RARB: variants seen among roughly 807,000 people sequenced by gnomAD.
The protein encoded by RARB is HBV-activated protein.
Under a neutral mutation model 51.9 loss-of-function variants are expected in RARB, and 17 were observed. The ratio of observed to expected loss-of-function variants is 0.33; its 90% CI spans 0.22 to 0.49. The LOEUF (loss-of-function observed/expected upper bound fraction) is 0.49, where lower values mean the gene tolerates loss of function less well. Ranked by LOEUF, RARB falls within the 20% of genes least tolerant of loss-of-function variation. The pLI is 0.99. For synonymous variants in RARB, 215 were observed against 195.4 expected, an observed-to-expected ratio of 1.10 and a Z score of -0.84; for missense variants, 369 against 550.8, an observed-to-expected ratio of 0.67 and a Z score of 3.30.
Position 24,986,795 on chromosome 3 carries a change from T to A in RARB, c.-379-73330T>A, listed in dbSNP as rs144281703. Among the ~76,000 whole-genome samples the A allele has an allele frequency of 8.6e-3, 1,315 of 152,254 alleles. 14 individuals carry two copies. Among genetic ancestry groups the A allele is most frequent in the Middle Eastern group, 0.017 (5 of 294 alleles). ...CAGCATGGTGATTCACATCGCAGCC[T>A]TCACCCTGTTAACTCCTGATTGCTG... On this transcript the variant is annotated intron_variant, in intron 2 of 11. Coordinates refer to the RARB transcript ENST00000383772.
chr3:24,927,923 T>A (rs553097350), intron 2 of RARB, among the ~76,000 whole-genome samples: 1 of 152,086 alleles, frequency 6.6e-6, no homozygotes, highest in Non-Finnish European at 1.5e-5. Context: ...TGTCAAAGGA[T>A]TACTTTGTTC....
chr3:25,038,391 G>A (rs1053815468), intron 2 of RARB, among the ~76,000 whole-genome samples: 1 of 151,980 alleles, frequency 6.6e-6, no homozygotes, highest in African/African-American at 2.4e-5. Context: ...AAAGTCTGGG[G>A]GAATGAGTAT....
chr3:24,902,302 G>C (rs1285843865), intron 2 of RARB, among the ~76,000 whole-genome samples: 2 of 152,114 alleles, frequency 1.3e-5, no homozygotes, highest in Non-Finnish European at 2.9e-5. Flanking sequence ...CTACTAACTT[G>C]TGAATGCTTC....
chr3:25,436,383 A>G (rs1182133158), intron 1 of RARB, among the ~76,000 whole-genome samples: 1 of 152,242 alleles, frequency 6.6e-6, no homozygotes, highest in African/African-American at 2.4e-5. Flanking sequence ...AAGGGTAATA[A>G]TCCATGGAGT....
At chr3:25,341,151 G>C (rs1705215335) in intron 5 of RARB, among the ~76,000 whole-genome samples, 1 of 152,102 alleles carries the variant, frequency 6.6e-6, no homozygotes, top group Non-Finnish European at 1.5e-5. Context: ...TGAGTTCTTG[G>C]AGACCAAAAG....
chr3:24,942,824 C>T (rs926677020), intron 2 of RARB, among the ~76,000 whole-genome samples: 5 of 152,134 alleles, frequency 3.3e-5, no homozygotes, highest in African/African-American at 1.2e-4. Context: ...CTTATGGATT[C>T]AATATCTGAA....
intron 5 of RARB, chr3:25,174,586 C>T (rs1447860871): frequency 2.2e-6 from 3 of 1,351,794 alleles, no homozygotes; most frequent in African/African-American, 1.5e-5. Flanking sequence ...GTAAGTCCTG[C>T]TGGAATTTGC....
intron 2 of RARB, among the ~76,000 whole-genome samples, chr3:24,902,541 TTG>T (rs1186878815): frequency 6.6e-6 from 1 of 152,120 alleles, no homozygotes; most frequent in East Asian, 1.9e-4. Flanking sequence ...AACGGGTAAT[TTG>T]GTCTGGGTTG....
At chr3:24,871,046 T>C (rs529689560) in intron 2 of RARB, among the ~76,000 whole-genome samples, 62 of 152,240 alleles carry the variant, frequency 4.1e-4, no homozygotes, top group Admixed American at 1.2e-3. Flanking sequence ...ATCATTCTAC[T>C]CTATCTTTAT....
At chr3:25,060,297 T>A (rs1698523107) in intron 3 of RARB, 1 of 151,848 alleles carries the variant, frequency 6.6e-6, no homozygotes, top group Admixed American at 6.6e-5. Context: ...TGAAAGTCCT[T>A]ATTATATACA....
intron 5 of RARB, among the ~76,000 whole-genome samples, chr3:25,328,801 T>C (rs1413058847): frequency 6.6e-6 from 1 of 152,144 alleles, no homozygotes; most frequent in East Asian, 1.9e-4. Flanking sequence ...AGATGGTACC[T>C]GGAAAATTAG....
chr3:25,490,617 C>T (rs1313191569), intron 2 of RARB, among the ~76,000 whole-genome samples: 1 of 152,128 alleles, frequency 6.6e-6, no homozygotes, highest in Non-Finnish European at 1.5e-5. Context: ...TAATTTGGGT[C>T]CAGATGAGAT....
At chr3:25,150,478 G>A (rs1011553333) in intron 4 of RARB, among the ~76,000 whole-genome samples, 2 of 152,124 alleles carry the variant, frequency 1.3e-5, no homozygotes, top group Non-Finnish European at 2.9e-5. Flanking sequence ...GGGAGGGAGT[G>A]GTTCATGTAT....
chr3:24,835,699 C>T (rs1236551154), intron 1 of RARB, among the ~76,000 whole-genome samples: 1 of 152,108 alleles, frequency 6.6e-6, no homozygotes, highest in Non-Finnish European at 1.5e-5. Flanking sequence ...AGGGCACCTC[C>T]CCAGTAACAG....
chr3:25,364,954 G>T (rs888844942), intron 5 of RARB, among the ~76,000 whole-genome samples: 4 of 151,976 alleles, frequency 2.6e-5, no homozygotes, highest in Non-Finnish European at 4.4e-5. Context: ...TATCTCAGTT[G>T]TATCATTATC....
chr3:25,059,366 T>C (rs1391606488), intron 2 of RARB, among the ~76,000 whole-genome samples: 1 of 151,750 alleles, frequency 6.6e-6, no homozygotes, highest in Non-Finnish European at 1.5e-5. Flanking sequence ...GGATATATGA[T>C]GAAAAATATC....
intron 5 of RARB, among the ~76,000 whole-genome samples, chr3:25,386,947 T>A (rs1706813578): frequency 1.3e-5 from 2 of 152,236 alleles, no homozygotes; most frequent in South Asian, 4.1e-4. Flanking sequence ...ATTTTTCCCC[T>A]GCAAATGTGG....
intron 2 of RARB, among the ~76,000 whole-genome samples, chr3:24,971,818 A>G (rs1389894325): frequency 1.3e-5 from 2 of 151,982 alleles, no homozygotes; most frequent in Non-Finnish European, 2.9e-5. Context: ...AGATTAAGCA[A>G]AATTTTGTGA....
chr3:24,928,709 G>C (rs1432309424), intron 2 of RARB, among the ~76,000 whole-genome samples: 1 of 151,980 alleles, frequency 6.6e-6, no homozygotes, highest in Non-Finnish European at 1.5e-5. Flanking sequence ...TCCACAGACA[G>C]ATACTTGGGG....
Sources: allele counts gnomAD v4.1 joint callset (sites outside exome capture counted in the v4.1 genomes callset), GRCh38; gene constraint gnomAD v4.1.1; transcripts MANE v1.5; gene names NCBI Gene and HGNC (gene_info 2026-07-23, HGNC 2026-07-21).